The following LGALS1 variants were observed in gnomAD, a reference collection of about 807,000 sequenced individuals.
LGALS1 encodes galectin-1.
Under a neutral mutation model 14.4 loss-of-function variants are expected in LGALS1, and 14 were observed. The observed-to-expected ratio is 0.97, with a 90% CI of 0.64 to 1.52. The LOEUF (loss-of-function observed/expected upper bound fraction) is 1.52, where lower values mean the gene tolerates loss of function less well. LGALS1 is among the 40% of genes most tolerant of loss of function. The pLI is 0.00. For missense variants in LGALS1, 170 were observed against 181.4 expected, an observed-to-expected ratio of 0.94 and a Z score of 0.36; for synonymous variants, 71 against 73.4, an observed-to-expected ratio of 0.97 and a Z score of 0.17.
rs111700736 is a variant in LGALS1 at position 37,678,539 on chromosome 22, G to A, written c.146G>A (p.Arg49His). The change falls in exon 3 of 4, where the codon CGC becomes CAC. Residue 49 changes from arginine (R) to histidine (H), a missense_variant. Transcript: ENST00000215909. ...SNNLCLHFNP[R>H]FNAHGDANTI... ...AACCTGTGCCTGCACTTCAACCCTC[G>A]CTTCAACGCCCACGGCGACGCCAAC... The A allele has an allele frequency of 8.1e-5, 130 of 1,613,522 alleles. No homozygotes were observed. Among genetic ancestry groups the A allele is most frequent in the East Asian group, 2.5e-4 (11 of 44,894 alleles).
At chr22:37,675,759 T>C (rs567137153) in intron 1 of LGALS1, 48 bp downstream of exon 1, 40 of 1,477,680 alleles carry the variant, frequency 2.7e-5, no homozygotes, top group Non-Finnish European at 3.3e-5. Context: ...GGGCAGGAAC[T>C]GATGGCCAGA....
intron 2 of LGALS1, chr22:37,677,725 T>G (rs1332396526): frequency 1.3e-5 from 2 of 152,264 alleles, no homozygotes; most frequent in African/African-American, 4.8e-5. Context: ...CAGGTATTGC[T>G]ATTATCACCA....
At chr22:37,677,326 C>G (rs1401180447) in intron 2 of LGALS1, 1 of 483,776 alleles carries the variant, frequency 2.1e-6, no homozygotes, top group Non-Finnish European at 3.8e-6. Context: ...CTTGACTCCC[C>G]CGCCCCCACC....
chr22:37,677,118 G>A (rs1921457912), intron 2 of LGALS1, 53 bp downstream of exon 2: 2 of 1,571,470 alleles, frequency 1.3e-6, no homozygotes, highest in Non-Finnish European at 1.7e-6. Context: ...GGTCCAGCAG[G>A]GAGGGCGTGG....
At chr22:37,679,429 CAA>C (rs201131232) in intron 3 of LGALS1, among the ~76,000 whole-genome samples, 172 bp from the exon 4 acceptor site, 10 of 99,396 alleles carry the variant, frequency 1.0e-4, no homozygotes, top group Admixed American at 1.1e-4. Flanking sequence ...GACTCCATCT[CAA>C]AAAAAAAAAA....
At chr22:37,677,172 G>C (rs1921460032) in intron 2 of LGALS1, 107 bp downstream of exon 2, 8 of 1,120,130 alleles carry the variant, frequency 7.1e-6, no homozygotes, top group Admixed American at 4.4e-5. Context: ...GCGGGTTAAC[G>C]GCCAGCCGCC....
intron 1 of LGALS1, 109 bp downstream of exon 1, chr22:37,675,820 G>GA (rs1461506395): frequency 9.8e-7 from 1 of 1,017,448 alleles, no homozygotes; most frequent in Non-Finnish European, 1.4e-6. Context: ...GTGTGGCCTG[G>GA]AACCAGTGCC....
chr22:37,678,552 C>T lies in LGALS1; in HGVS notation c.159C>T (p.His53=), dbSNP rs753790689. 13 of 1,613,502 alleles carry T rather than the reference C, an allele frequency of 8.1e-6. No homozygotes were observed. The highest frequency in any genetic ancestry group is 1.7e-5 in the Admixed American group (1 of 60,004). ...CLHFNPRFNA[H]GDANTIVCNS... is the part of the protein sequence containing the mutation. ...ACTTCAACCCTCGCTTCAACGCCCA[C>T]GGCGACGCCAACACCATCGTGTGCA... Residue 53 remains histidine, a synonymous_variant, in exon 3 of 4, where the codon CAC becomes CAT. Transcript: ENST00000215909.
Position 37,678,471 on chromosome 22 carries a change from G to C in LGALS1, c.90-12G>C. ...GGCCGAGGTGGCCTCATGCCCACCCGTTACCCCCCAGCTTCGTGCTGAACC... is the reference window on the plus strand; with the variant it reads ...GGCCGAGGTGGCCTCATGCCCACCCCTTACCCCCCAGCTTCGTGCTGAACC... On this transcript the variant is annotated splice_polypyrimidine_tract_variant and intron_variant, in intron 2 of 3. Transcript: ENST00000215909. 1 of 1,613,318 alleles carries C rather than the reference G, an allele frequency of 6.2e-7. No homozygotes were observed. Among genetic ancestry groups the C allele is most frequent in the Non-Finnish European group, 8.5e-7 (1 of 1,179,950 alleles).
chr22:37,678,796 C>G (rs897733270), intron 3 of LGALS1, 142 bp downstream of exon 3: 5 of 835,142 alleles, frequency 6.0e-6, no homozygotes, highest in Non-Finnish European at 7.3e-6. Flanking sequence ...CAGTGTCTGC[C>G]CCTCTTTGAA....
intron 2 of LGALS1, among the ~76,000 whole-genome samples, chr22:37,678,038 C>T (rs1281592694): frequency 3.3e-5 from 5 of 152,168 alleles, no homozygotes; most frequent in African/African-American, 9.6e-5. Context: ...CCGCTCGCCT[C>T]GGCCTCCCAA....
At chr22:37,675,758 C>A in intron 1 of LGALS1, 47 bp downstream of exon 1, 5 of 1,482,374 alleles carry the variant, frequency 3.4e-6, no homozygotes, top group Non-Finnish European at 4.5e-6. Flanking sequence ...AGGGCAGGAA[C>A]TGATGGCCAG....
intron 1 of LGALS1, 62 bp downstream of exon 1, chr22:37,675,773 G>A: frequency 7.1e-7 from 1 of 1,404,394 alleles, no homozygotes; most frequent in East Asian, 2.7e-5. Context: ...GGCCAGAGGA[G>A]AGCTGGGCAG....
At chr22:37,677,166 G>T (rs1921459870) in intron 2 of LGALS1, 101 bp downstream of exon 2, 11 of 1,180,310 alleles carry the variant, frequency 9.3e-6, no homozygotes, top group South Asian at 1.4e-5. Flanking sequence ...CCGGGAGCGG[G>T]TTAACGGCCA....
rs770562711 is a variant in LGALS1 at position 37,679,775 on chromosome 22, A to T, written c.*26A>T. ...AATCAGCCAGCCCATGGCCCCCAAT[A>T]AAGGCAGCTGCCTCTGCTCCCTCTG... On this transcript the variant is annotated 3_prime_UTR_variant, in exon 4 of 4. Coordinates refer to ENST00000215909, the MANE Select transcript of LGALS1 (RefSeq NM_002305.4). 2 of 1,563,674 alleles carry T rather than the reference A, an allele frequency of 1.3e-6. No homozygotes were observed. Among genetic ancestry groups the T allele is most frequent in the African/African-American group, 2.7e-5 (2 of 72,962 alleles).
intron 2 of LGALS1, chr22:37,677,418 G>A (rs1204951534): frequency 1.6e-5 from 5 of 305,484 alleles, no homozygotes; most frequent in Non-Finnish European, 3.2e-5. Context: ...TTCCCCCTGA[G>A]TCCCTCCTTC....
intron 1 of LGALS1, 65 bp downstream of exon 1, chr22:37,675,776 C>T: frequency 4.3e-6 from 6 of 1,396,008 alleles, no homozygotes; most frequent in Non-Finnish European, 5.7e-6. Context: ...CAGAGGAGAG[C>T]TGGGCAGATC....
chr22:37,675,683 A>ACATC lies in LGALS1; in HGVS notation c.-18_-15dup. 1 of 1,549,660 alleles carries ACATC rather than the reference A, an allele frequency of 6.5e-7. No homozygotes were observed. The highest frequency in any genetic ancestry group is 8.7e-7 in the Non-Finnish European group (1 of 1,147,010). On this transcript the variant is annotated 5_prime_UTR_variant, in exon 1 of 4. Transcript: ENST00000215909. ...TGACAGCTGGTGCGCCTGCCCGGGAACATCCTCCTGGACTCAATCATGGCT... is the reference window on the plus strand; with the variant it reads ...TGACAGCTGGTGCGCCTGCCCGGGAACATCCATCCTCCTGGACTCAATCATGGCT...
Position 37,679,672 on chromosome 22 carries a change from A to T in LGALS1, c.331A>T (p.Asn111Tyr). The change falls in exon 4 of 4, where the codon AAC becomes TAC. Residue 111 changes from asparagine (N) to tyrosine (Y), a missense_variant. Physicochemically the swap from Asn to Tyr is moderately radical, Grantham distance 143. Coordinates refer to ENST00000215909, the MANE Select transcript of LGALS1 (RefSeq NM_002305.4). ...AGATGGATACGAATTCAAGTTCCCC[A>T]ACCGCCTCAACCTGGAGGCCATCAA... ...LPDGYEFKFP[N>Y]RLNLEAINYM... 1 of 1,610,778 alleles carries T rather than the reference A, an allele frequency of 6.2e-7. No homozygotes were observed. Among genetic ancestry groups the T allele is most frequent in the Admixed American group, 1.7e-5 (1 of 59,400 alleles).
Sources: gnomAD v4.1 joint callset for allele counts (sites outside exome capture counted in the v4.1 genomes callset) on GRCh38, gnomAD v4.1.1 for gene constraint, MANE v1.5 for transcripts, NCBI Gene and HGNC (gene_info 2026-07-23, HGNC 2026-07-21) for gene names.